The following KIF13B variants were observed in gnomAD, a reference collection of about 807,000 sequenced individuals.
KIF13B encodes kinesin-like protein KIF13B.
Under a neutral mutation model 222.0 loss-of-function variants are expected in KIF13B, and 127 were observed. The observed-to-expected ratio is 0.57, with a 90% CI of 0.50 to 0.66. The LOEUF (loss-of-function observed/expected upper bound fraction) is 0.66. Among genes scored for constraint, KIF13B ranks in the 30% least tolerant of loss-of-function variants. The pLI is 0.00. For synonymous variants in KIF13B, 976 were observed against 919.0 expected (o/e 1.06, Z -1.12); for missense variants, 2,173 against 2,379.0 (o/e 0.91, Z 1.80).
intron 21 of KIF13B, among the ~76,000 whole-genome samples, chr8:29,135,139 G>A (rs1452379500): frequency 6.6e-6 from 1 of 152,150 alleles, no homozygotes; most frequent in East Asian, 1.9e-4. Flanking sequence ...AATTTTAAGA[G>A]TTCAAGCGAT....
chr8:29,210,774 T>C (rs183509957), intron 2 of KIF13B, among the ~76,000 whole-genome samples: 14 of 152,308 alleles, frequency 9.2e-5, no homozygotes, highest in African/African-American at 3.4e-4. Context: ...AAGAAGAATG[T>C]TTCAGAGAGT....
rs1339665713 is a variant in KIF13B, at chr8:29,247,366, C to T, written c.56-1927G>A. 3.3e-5 allele frequency among the ~76,000 whole-genome samples: 5 copies of T among 151,948 alleles called. No homozygotes were observed. The East Asian group carries it at 7.7e-4, about 23-fold the overall frequency. The stretch of plus-strand genomic sequence containing the variant: ...GTGTGCCACTGCACTACAGCCTGGG[C>T]AAAAGAGATCTGTCTCTAAAAACAA... On this transcript the variant is annotated intron_variant, in intron 1 of 39. Coordinates refer to ENST00000524189, the MANE Select transcript of KIF13B (RefSeq NM_015254.4).
chr8:29,174,080 C>T (rs150561985), intron 10 of KIF13B, among the ~76,000 whole-genome samples: 73 of 151,912 alleles, frequency 4.8e-4, no homozygotes, highest in African/African-American at 1.5e-3. Context: ...AACAAATGAA[C>T]GCATCCATCA....
chr8:29,162,390 C>T (rs1368886305), intron 12 of KIF13B, among the ~76,000 whole-genome samples: 1 of 152,168 alleles, frequency 6.6e-6, no homozygotes, highest in African/African-American at 2.4e-5. Context: ...TATTTTGGTC[C>T]TGGGTCTTCA....
intron 1 of KIF13B, among the ~76,000 whole-genome samples, chr8:29,262,441 C>T (rs1166047586): frequency 6.6e-6 from 1 of 152,206 alleles, no homozygotes; most frequent in Non-Finnish European, 1.5e-5. Flanking sequence ...GGAAGGAACT[C>T]GCCGCGGGGC....
chr8:29,086,767 A>T (rs1808064237), intron 37 of KIF13B, among the ~76,000 whole-genome samples: 1 of 152,204 alleles, frequency 6.6e-6, no homozygotes, highest in South Asian at 2.1e-4. Context: ...CTATTGATCC[A>T]GATTCCTTTT....
intron 2 of KIF13B, among the ~76,000 whole-genome samples, chr8:29,202,713 G>A (rs915894878): frequency 6.6e-6 from 1 of 152,164 alleles, no homozygotes; most frequent in African/African-American, 2.4e-5. Context: ...ACTGGCACAA[G>A]GAATGTGAAG....
intron 36 of KIF13B, among the ~76,000 whole-genome samples, chr8:29,094,288 A>G (rs949384250): frequency 6.6e-6 from 1 of 152,246 alleles, no homozygotes; most frequent in Non-Finnish European, 1.5e-5. Flanking sequence ...CACAACAGGA[A>G]AAGTAAGAAT....
At chr8:29,250,757 T>C (rs1363753802) in intron 1 of KIF13B, among the ~76,000 whole-genome samples, 1 of 152,180 alleles carries the variant, frequency 6.6e-6, no homozygotes, top group Admixed American at 6.5e-5. Flanking sequence ...ATAAAGGCAG[T>C]GAGATCTGAA....
rs892304991 is a variant in KIF13B, at chr8:29,115,958, T to A, written c.3837+873A>T. On this transcript the variant is annotated intron_variant, in intron 31 of 39. Transcript: ENST00000524189. Reference sequence around the variant, plus strand: ...GGGCTGAATTCTTCCTTCTCTTACCTGCATTCTCACCACAAGTGATGAGGA... The same window carrying A: ...GGGCTGAATTCTTCCTTCTCTTACCAGCATTCTCACCACAAGTGATGAGGA... Among the ~76,000 whole-genome samples the A allele has an allele frequency of 9.2e-5, 14 of 152,324 alleles. No homozygotes were observed. The East Asian group carries it at 2.5e-3, about 27-fold the overall frequency.
intron 2 of KIF13B, among the ~76,000 whole-genome samples, chr8:29,209,397 A>G (rs1175524544): frequency 2.0e-5 from 3 of 152,174 alleles, no homozygotes. Flanking sequence ...TAAGCCTCAG[A>G]AATCCAAAGA....
At chr8:29,191,374 A>T (rs558720621) in intron 3 of KIF13B, among the ~76,000 whole-genome samples, 1 of 152,106 alleles carries the variant, frequency 6.6e-6, no homozygotes, top group Non-Finnish European at 1.5e-5. Context: ...TCATGTTTTT[A>T]TATTTTTTCA....
chr8:29,073,080 C>CGAGGAGGGGTAT (rs566522732), intron 38 of KIF13B, among the ~76,000 whole-genome samples: 3 of 72,204 alleles, frequency 4.2e-5, no homozygotes, highest in African/African-American at 1.3e-4. Flanking sequence ...AGGAGGGGTA[C>CGAGGAGGGGTAT]GAGGAGGGGT....
intron 18 of KIF13B, chr8:29,145,750 T>C (rs1203542792): frequency 6.8e-6 from 1 of 146,508 alleles, no homozygotes; most frequent in Non-Finnish European, 1.5e-5. Flanking sequence ...TAGAAAATTC[T>C]ACCTAATCCA....
At chr8:29,147,727 G>T in intron 16 of KIF13B, 125 bp from the exon 17 acceptor site, 2 of 717,186 alleles carry the variant, frequency 2.8e-6, no homozygotes, top group Non-Finnish European at 2.3e-6. Context: ...AAGACAATTT[G>T]GCATAAACTT....
intron 2 of KIF13B, among the ~76,000 whole-genome samples, chr8:29,208,044 T>G (rs1814033424): frequency 6.6e-6 from 1 of 152,210 alleles, no homozygotes; most frequent in South Asian, 2.1e-4. Flanking sequence ...AAGTCAGATA[T>G]CTCAACATTA....
chr8:29,185,713 A>C (rs1032351565), intron 6 of KIF13B, among the ~76,000 whole-genome samples: 1 of 152,186 alleles, frequency 6.6e-6, no homozygotes. Context: ...GCCTCAGCTT[A>C]TTTGGCTCTT....
intron 10 of KIF13B, among the ~76,000 whole-genome samples, chr8:29,169,912 C>G (rs1316430663): frequency 6.6e-6 from 1 of 152,202 alleles, no homozygotes; most frequent in Non-Finnish European, 1.5e-5. Flanking sequence ...ATGCTCTCAG[C>G]TGAAAGGGGA....
chr8:29,164,401 T>C (rs905281385), intron 12 of KIF13B, among the ~76,000 whole-genome samples: 1 of 152,230 alleles, frequency 6.6e-6, no homozygotes, highest in African/African-American at 2.4e-5. Flanking sequence ...GAGATGACTT[T>C]AAATAGATGA....
Sources: gnomAD v4.1 joint callset for allele counts (sites outside exome capture counted in the v4.1 genomes callset) on GRCh38, gnomAD v4.1.1 for gene constraint, MANE v1.5 for transcripts, NCBI Gene and HGNC (gene_info 2026-07-23, HGNC 2026-07-21) for gene names.